The following ZNF215 variants were observed in gnomAD, a reference collection of about 807,000 sequenced individuals.
ZNF215 encodes BWSCR2-associated zinc finger protein 2.
A neutral mutation model predicts 27.2 loss-of-function variants in ZNF215; 24 were observed. That is an observed-to-expected ratio of 0.88 (90% CI 0.64 to 1.24). ZNF215 has a LOEUF of 1.24. ZNF215 is among the 50% of genes most tolerant of loss of function. ZNF215 has a pLI of 0.00. For missense variants in ZNF215, 675 were observed against 605.7 expected, an observed-to-expected ratio of 1.11 and a Z score of -1.20; for synonymous variants, 210 against 204.0, an observed-to-expected ratio of 1.03 and a Z score of -0.25.
At position 6,943,710 on chromosome 11, in the gene ZNF215, A is replaced by C. The variant is rs1590056732; in HGVS notation, c.712+69A>C. ...TTCCTAAACATACAGACAATGTGCA[A>C]CCCAATCTTTGAATTGTTAGTTGGG... On this transcript the variant is annotated intron_variant, in intron 6 of 6. Transcript: ENST00000278319. The C allele has an allele frequency of 2.5e-6, 3 of 1,211,870 alleles. No homozygotes were observed. In the African/African-American group the frequency reaches 4.6e-5, roughly 18 times the overall value. 75.1% of individuals were successfully genotyped at this position (1,211,870 alleles called of 1,614,324 possible).
intron 5 of ZNF215, chr11:6,984,111 AAT>A: frequency 2.5e-6 from 1 of 393,868 alleles, no homozygotes; most frequent in South Asian, 1.8e-5. Context: ...ATGTCCCTTA[AAT>A]TTTTTTTTTT....
downstream of ZNF215, among the ~76,000 whole-genome samples, chr11:6,986,699 AACAG>A (rs1307762671): frequency 6.6e-6 from 1 of 152,200 alleles, no homozygotes; most frequent in Non-Finnish European, 1.5e-5. Context: ...AAAGGACATG[AACAG>A]ACACTTTTCA....
chr11:6,976,326 C>G (rs1850832926), intron 5 of ZNF215, among the ~76,000 whole-genome samples: 1 of 151,882 alleles, frequency 6.6e-6, no homozygotes, highest in Non-Finnish European at 1.5e-5. Context: ...CAATTAATGT[C>G]TTAAAATATG....
chr11:6,942,974 T>C, intron 4 of ZNF215, 109 bp from the exon 5 acceptor site: 9 of 1,458,372 alleles, frequency 6.2e-6, no homozygotes, highest in Non-Finnish European at 8.3e-6. Context: ...CATTGTCCTA[T>C]CAATTTCTGG....
intron 1 of ZNF215, 122 bp downstream of exon 1, chr11:6,926,807 G>C (rs1159553055): frequency 6.6e-6 from 1 of 152,284 alleles, no homozygotes; most frequent in Non-Finnish European, 1.5e-5. Flanking sequence ...CATGCGGAAC[G>C]TGCAGCTTAC....
chr11:6,983,644 G>T (rs542315185), intron 5 of ZNF215, among the ~76,000 whole-genome samples: 7 of 152,230 alleles, frequency 4.6e-5, no homozygotes, highest in African/African-American at 1.7e-4. Flanking sequence ...GATATATCTT[G>T]TTAAAAATAT....
Position 6,943,022 on chromosome 11 carries a change from C to G in ZNF215, c.484-61C>G, listed in dbSNP as rs558681941. The G allele has an allele frequency of 2.5e-5, 40 of 1,571,366 alleles. No individual in the cohort carries two copies. In the Admixed American group the frequency reaches 7.2e-4, roughly 28 times the overall value. On this transcript the variant is annotated intron_variant, in intron 4 of 6. Transcript: ENST00000278319. The stretch of plus-strand genomic sequence containing the variant: ...CCTACCCTATTCCTTCAAATCCATT[C>G]CTTCTCTGGTAGTGTTTTGGGGAGT...
intron 5 of ZNF215, among the ~76,000 whole-genome samples, chr11:6,982,589 C>G (rs1324792767): frequency 6.6e-6 from 1 of 152,118 alleles, no homozygotes; most frequent in Non-Finnish European, 1.5e-5. Context: ...AACTAGAACT[C>G]AGGATTAAGA....
chr11:6,943,023 C>T (rs1849682782), intron 4 of ZNF215, 60 bp from the exon 5 acceptor site: 1 of 1,571,744 alleles, frequency 6.4e-7, no homozygotes, highest in Non-Finnish European at 8.6e-7. Flanking sequence ...AAATCCATTC[C>T]TTCTCTGGTA....
intron 6 of ZNF215, among the ~76,000 whole-genome samples, chr11:6,944,761 T>C (rs1849758911): frequency 6.6e-6 from 1 of 152,210 alleles, no homozygotes; most frequent in African/African-American, 2.4e-5. Context: ...AATATTTCTT[T>C]TCTGAAATTG....
At chr11:6,972,410 T>G (rs1375867052) in intron 5 of ZNF215, among the ~76,000 whole-genome samples, 1 of 3,556 alleles carries the variant, frequency 2.8e-4, no homozygotes, top group African/African-American at 2.9e-4. Context: ...CTAGGAGACT[T>G]TTTTTTTTTT....
chr11:6,991,391 C>T (rs79995263), downstream of ZNF215, among the ~76,000 whole-genome samples: 1,119 of 152,286 alleles, frequency 7.3e-3, 16 homozygotes, highest in African/African-American at 0.025. Context: ...ACACTGCCTG[C>T]GGCAGGGCTG....
In ZNF215 at chr11:6,935,919, AGTGGAAAT is replaced by A. The variant is rs1439998459; in HGVS notation, c.400+3248_400+3255del. ...AGGAAATCTGGATAATTCACAGATA[AGTGGAAAT>A]TAACAGTCACATAATCAGTGGGTCA... On this transcript the variant is annotated intron_variant, in intron 3 of 6. Transcript: ENST00000278319. Among the ~76,000 whole-genome samples the A allele has an allele frequency of 1.3e-4, 20 of 152,280 alleles. No homozygotes were observed. The South Asian group carries it at 3.3e-3, about 25-fold the overall frequency.
intron 6 of ZNF215, among the ~76,000 whole-genome samples, chr11:6,954,700 G>T (rs1338216000): frequency 6.6e-6 from 1 of 152,198 alleles, no homozygotes; most frequent in Admixed American, 6.5e-5. Flanking sequence ...GTGAAGCAAT[G>T]CCTCGCCCTG....
Position 6,945,618 on chromosome 11 carries a change from A to G in ZNF215, c.712+1977A>G, listed in dbSNP as rs747797412. The stretch of plus-strand genomic sequence containing the variant: ...TCACTTGAATTCTCAGCAGCAAGTC[A>G]CACTGTTAACTATGCCTTTTTCTTA... On this transcript the variant is annotated intron_variant, in intron 6 of 6. Coordinates refer to ENST00000278319, the MANE Select transcript of ZNF215 (RefSeq NM_013250.4). 1.9e-4 allele frequency among the ~76,000 whole-genome samples: 29 copies of G among 152,214 alleles called. 1 individual carries two copies. Among genetic ancestry groups the G allele is most frequent in the Admixed American group, 3.3e-4 (5 of 15,278 alleles).
chr11:6,948,451 C>T (rs958174988), intron 6 of ZNF215, among the ~76,000 whole-genome samples: 17 of 147,522 alleles, frequency 1.2e-4, no homozygotes, highest in Non-Finnish European at 1.6e-4. Flanking sequence ...ATATGGGAGA[C>T]GAAGGACAAT....
At chr11:6,934,328 G>A (rs1235989404) in intron 3 of ZNF215, among the ~76,000 whole-genome samples, 3 of 152,116 alleles carry the variant, frequency 2.0e-5, no homozygotes. Flanking sequence ...GAATTTTGAG[G>A]TTTAGTTTGA....
At chr11:6,961,107 A>G (rs113059504), downstream of ZNF215, among the ~76,000 whole-genome samples, 532 of 152,250 alleles carry the variant, frequency 3.5e-3, 2 homozygotes, top group African/African-American at 0.012. Flanking sequence ...ATCTGAGACA[A>G]TAAATCCAAC....
In ZNF215 at chr11:6,955,898, G is replaced by T; in HGVS notation, c.921G>T (p.Lys307Asn). 1 of 1,610,482 alleles carries T rather than the reference G, an allele frequency of 6.2e-7. No homozygotes were observed. Among genetic ancestry groups the T allele is most frequent in the South Asian group, 1.1e-5 (1 of 89,934 alleles). Residue 307 changes from lysine (K) to asparagine (N), a missense_variant, in exon 7 of 7, where the codon AAG (lysine) becomes AAT (asparagine). Lys to Asn is a moderately conservative substitution (Grantham distance 94, BLOSUM62 0). Coordinates refer to ENST00000278319, the MANE Select transcript of ZNF215 (RefSeq NM_013250.4). The part of the protein sequence containing the change: ...EEEDFECSEN[K>N]KSFDINSVSS... ...AAGATTTTGAATGTAGTGAAAATAA[G>T]AAAAGCTTTGATATTAATTCAGTTA...
Sources: allele counts gnomAD v4.1 joint callset (sites outside exome capture counted in the v4.1 genomes callset), GRCh38; gene constraint gnomAD v4.1.1; transcripts MANE v1.5; gene names NCBI Gene and HGNC (gene_info 2026-07-23, HGNC 2026-07-21).